The following SNAP91 variants were observed in gnomAD, a reference collection of about 807,000 sequenced individuals.
SNAP91 encodes the protein clathrin coat assembly protein AP180.
Under a neutral mutation model 100.3 loss-of-function variants are expected in SNAP91, and 27 were observed. The observed-to-expected ratio is 0.27, with a 90% CI of 0.20 to 0.37. SNAP91 has a LOEUF of 0.37. SNAP91 is among the 10% of genes least tolerant of loss of function. The probability of loss-of-function intolerance (pLI) is 1.00; values close to 1 mark genes in which losing one functional copy is unlikely to be tolerated. For synonymous variants in SNAP91, 404 were observed against 398.6 expected, an observed-to-expected ratio of 1.01 and a Z score of -0.16; for missense variants, 986 against 1,123.7, an observed-to-expected ratio of 0.88 and a Z score of 1.75.
intron 26 of SNAP91, among the ~76,000 whole-genome samples, chr6:83,562,782 G>A (rs1317149952): frequency 3.9e-5 from 6 of 152,134 alleles, no homozygotes; most frequent in African/African-American, 1.4e-4. Context: ...ACCTGCTTAG[G>A]TGATATCCTG....
At chr6:83,561,295 T>G (rs539967143) in intron 26 of SNAP91, among the ~76,000 whole-genome samples, 1 of 152,298 alleles carries the variant, frequency 6.6e-6, no homozygotes, top group African/African-American at 2.4e-5. Flanking sequence ...TCCTCCTGCC[T>G]TGGCCTCCCA....
intron 8 of SNAP91, among the ~76,000 whole-genome samples, chr6:83,629,831 T>C (rs2097133900): frequency 2.0e-5 from 3 of 151,934 alleles, no homozygotes; most frequent in African/African-American, 4.8e-5. Context: ...CTTTACCAAT[T>C]TGGATGCCAT....
rs115670766 is a variant in SNAP91 at position 83,555,395 on chromosome 6, G to A, written c.*10+748C>T. Among the ~76,000 whole-genome samples the A allele has an allele frequency of 2.1e-3, 316 of 152,256 alleles. 1 individual carries two copies. The highest frequency in any genetic ancestry group is 7.1e-3 in the African/African-American group (294 of 41,562). ...TGGGACCCTGGGCAAATTCCTTAAT[G>A]CCCAAGGATCAGTTCTTTTAGCTGT... On this transcript the variant is annotated intron_variant, in intron 29 of 29. Transcript: ENST00000369694.
At chr6:83,574,097 T>C (rs1449485152) in intron 26 of SNAP91, among the ~76,000 whole-genome samples, 2 of 152,208 alleles carry the variant, frequency 1.3e-5, no homozygotes, top group Non-Finnish European at 2.9e-5. Flanking sequence ...CGGTGATGAA[T>C]GATGATTAAG....
intron 16 of SNAP91, among the ~76,000 whole-genome samples, chr6:83,597,124 T>C (rs916395273): frequency 6.6e-6 from 1 of 152,028 alleles, no homozygotes; most frequent in African/African-American, 2.4e-5. Context: ...ATTATCAACT[T>C]AACTCATCTA....
At chr6:83,661,815 C>T (rs2098548606) in intron 4 of SNAP91, among the ~76,000 whole-genome samples, 1 of 152,124 alleles carries the variant, frequency 6.6e-6, no homozygotes, top group Non-Finnish European at 1.5e-5. Context: ...CTTATTCCAC[C>T]ATTCCAGTAC....
chr6:83,567,853 G>C (rs916005666), intron 26 of SNAP91, among the ~76,000 whole-genome samples: 1 of 58,788 alleles, frequency 1.7e-5, no homozygotes, highest in Admixed American at 1.8e-4. Context: ...AACAACAGGT[G>C]CTAGAGGATG....
chr6:83,695,275 T>G (rs1376311693), intron 2 of SNAP91, among the ~76,000 whole-genome samples: 229 of 14,462 alleles, frequency 0.016, 1 homozygote, highest in African/African-American at 0.054. Flanking sequence ...AGGCTCCATC[T>G]CAAAAAAAAA....
intron 2 of SNAP91, among the ~76,000 whole-genome samples, chr6:83,687,489 A>G (rs1182605191): frequency 1.3e-5 from 2 of 152,220 alleles, no homozygotes; most frequent in African/African-American, 4.8e-5. Context: ...TTTTACATAT[A>G]TTCCTTTTTC....
At chr6:83,652,199 T>A (rs1200844747) in intron 7 of SNAP91, among the ~76,000 whole-genome samples, 1 of 152,130 alleles carries the variant, frequency 6.6e-6, no homozygotes, top group Non-Finnish European at 1.5e-5. Context: ...GAGGTTAAAG[T>A]GATTTTTGGT....
chr6:83,702,467 C>A (rs1450433387), intron 2 of SNAP91, among the ~76,000 whole-genome samples: 4 of 152,240 alleles, frequency 2.6e-5, no homozygotes, highest in Admixed American at 6.5e-5. Flanking sequence ...ACAAATAAAT[C>A]TTTAACCACC....
intron 2 of SNAP91, among the ~76,000 whole-genome samples, chr6:83,666,622 T>C (rs529585384): frequency 6.6e-6 from 1 of 152,254 alleles, no homozygotes; most frequent in South Asian, 2.1e-4. Context: ...ATAAATGTTT[T>C]TAAAAATTGA....
intron 2 of SNAP91, among the ~76,000 whole-genome samples, chr6:83,688,297 T>A (rs1409706855): frequency 6.6e-6 from 1 of 152,166 alleles, no homozygotes; most frequent in Non-Finnish European, 1.5e-5. Context: ...TTGTAAAACA[T>A]AAAAGTAATA....
At chr6:83,560,010 C>T (rs1273862086) in intron 28 of SNAP91, 94 bp downstream of exon 28, 7 of 1,029,316 alleles carry the variant, frequency 6.8e-6, no homozygotes, top group Non-Finnish European at 1.1e-5. Flanking sequence ...ATGAGGATTA[C>T]ATTAGGTAAA....
chr6:83,607,349 G>T (rs1307517684), intron 13 of SNAP91, among the ~76,000 whole-genome samples: 3 of 151,846 alleles, frequency 2.0e-5, no homozygotes, highest in Non-Finnish European at 4.4e-5. Flanking sequence ...GTGTGTGTGT[G>T]TGTGTGTGTG....
At chr6:83,641,061 A>C (rs776347312) in intron 8 of SNAP91, 35 bp downstream of exon 8, 64 of 1,217,876 alleles carry the variant, frequency 5.3e-5, no homozygotes. Flanking sequence ...AATATTTAAA[A>C]AATTATATTC....
intron 2 of SNAP91, among the ~76,000 whole-genome samples, chr6:83,706,229 A>T (rs574571979): frequency 6.6e-6 from 1 of 152,370 alleles, no homozygotes; most frequent in East Asian, 1.9e-4. Context: ...GCAAATTCAT[A>T]ACCTATACCT....
In SNAP91 at chr6:83,582,229, A is replaced by T. The variant is rs757723064; in HGVS notation, c.2142T>A (p.Asp714Glu). ...TPSTSSSSSF[D>E]PSVFDGLGDL... is the part of the protein sequence containing the mutation. ...TGAAAGTCACTGCCTCACCTGATGGATCAAAGGAGCTGCTGCTGGAAGTTG... is the reference window on the plus strand; with the variant it reads ...TGAAAGTCACTGCCTCACCTGATGGTTCAAAGGAGCTGCTGCTGGAAGTTG... The change falls in exon 23 of 30, where the codon GAT (aspartate) becomes GAA (glutamate). Residue 714 changes from aspartate to glutamate, a missense_variant. Physicochemically the swap from Asp to Glu is conservative, Grantham distance 45 (BLOSUM62 2). This residue lies in a region of SNAP91 where 575 missense variants were observed against 579.9 expected (regional missense o/e 0.99). Transcript: ENST00000369694. The T allele has an allele frequency of 6.2e-7, 1 of 1,613,666 alleles. No homozygotes were observed. The highest frequency in any genetic ancestry group is 8.5e-7 in the Non-Finnish European group (1 of 1,179,688).
chr6:83,655,044 G>T (rs113317743), intron 7 of SNAP91, among the ~76,000 whole-genome samples: 3 of 152,256 alleles, frequency 2.0e-5, no homozygotes, highest in African/African-American at 4.8e-5. Context: ...ATGACATAAG[G>T]CTGAATGTAT....
Sources: allele counts gnomAD v4.1 joint callset (sites outside exome capture counted in the v4.1 genomes callset), GRCh38; gene constraint gnomAD v4.1.1; regional missense constraint gnomAD v4.1.1; transcripts MANE v1.5; gene names NCBI Gene and HGNC (gene_info 2026-07-23, HGNC 2026-07-21).